The following C12orf42 variants were observed in gnomAD, a reference collection of about 807,000 sequenced individuals.
C12orf42 encodes the protein uncharacterized protein C12orf42.
Under a neutral mutation model 21.6 loss-of-function variants are expected in C12orf42, and 25 were observed. The observed-to-expected ratio is 1.16, with a 90% CI of 0.84 to 1.62. C12orf42 has a LOEUF of 1.62. Among genes scored for constraint, C12orf42 ranks in the 40% most tolerant of loss-of-function variants. The pLI is 0.00. For synonymous variants in C12orf42, 174 were observed against 175.0 expected, an observed-to-expected ratio of 0.99 and a Z score of 0.05; for missense variants, 483 against 459.3, an observed-to-expected ratio of 1.05 and a Z score of -0.47.
chr12:103,495,253 A>AGGGTGG (rs1955446728), intron 1 of C12orf42, among the ~76,000 whole-genome samples: 1 of 147,888 alleles, frequency 6.8e-6, no homozygotes, highest in Non-Finnish European at 1.5e-5. Context: ...GGGGAAGGTT[A>AGGGTGG]GGGGGAGAAG....
At chr12:103,248,699 T>C (rs1243999663) in intron 10 of C12orf42, among the ~76,000 whole-genome samples, 1 of 151,984 alleles carries the variant, frequency 6.6e-6, no homozygotes, top group Admixed American at 6.6e-5. Flanking sequence ...CAAATAGAAA[T>C]GGAATAGGAT....
chr12:103,185,746 G>A, the C12orf42 span, among the ~76,000 whole-genome samples: 1 of 152,088 alleles, frequency 6.6e-6, no homozygotes, highest in Admixed American at 6.5e-5. Context: ...TTCGTCAGGG[G>A]TTTCTGCTTT....
chr12:103,086,334 G>C, the C12orf42 span, among the ~76,000 whole-genome samples: 1 of 151,194 alleles, frequency 6.6e-6, no homozygotes, highest in Non-Finnish European at 1.5e-5. Flanking sequence ...AGAAGTAGAG[G>C]TCATTAAAAT....
At chr12:103,262,692 T>C (rs1475014678) in intron 10 of C12orf42, among the ~76,000 whole-genome samples, 1 of 152,200 alleles carries the variant, frequency 6.6e-6, no homozygotes, top group African/African-American at 2.4e-5. Flanking sequence ...GGAACGCTTT[T>C]ACACTGTTGG....
chr12:103,556,110 T>C, the C12orf42 span, among the ~76,000 whole-genome samples: 1 of 152,158 alleles, frequency 6.6e-6, no homozygotes, highest in African/African-American at 2.4e-5. Context: ...AGATACAGCA[T>C]GTAATAGTGG....
chr12:103,156,672 G>A, the C12orf42 span, among the ~76,000 whole-genome samples: 1 of 152,004 alleles, frequency 6.6e-6, no homozygotes, highest in Non-Finnish European at 1.5e-5. Context: ...GTTTCTCTCT[G>A]TGTCCATGTG....
At chr12:103,180,423 C>T in the C12orf42 span, among the ~76,000 whole-genome samples, 38 of 152,072 alleles carry the variant, frequency 2.5e-4, no homozygotes, top group Admixed American at 7.9e-4. Context: ...GAGTTGACTT[C>T]GTTGGCTAAC....
At chr12:103,381,495 G>C (rs1326168586) in intron 3 of C12orf42, among the ~76,000 whole-genome samples, 1 of 152,168 alleles carries the variant, frequency 6.6e-6, no homozygotes, top group Non-Finnish European at 1.5e-5. Flanking sequence ...TGTTGATGAT[G>C]ACAACAACAA....
chr12:103,165,996 C>T, the C12orf42 span, among the ~76,000 whole-genome samples: 2 of 151,004 alleles, frequency 1.3e-5, no homozygotes, highest in Non-Finnish European at 3.0e-5. Context: ...GCCGAGATCG[C>T]GCCACTGCAC....
At chr12:103,533,397 G>A in the C12orf42 span, among the ~76,000 whole-genome samples, 1 of 152,082 alleles carries the variant, frequency 6.6e-6, no homozygotes, top group Non-Finnish European at 1.5e-5. Context: ...GGTTGCTCTC[G>A]TCCATTGTGC....
intron 10 of C12orf42, among the ~76,000 whole-genome samples, chr12:103,250,157 T>C (rs1375309717): frequency 6.6e-6 from 1 of 152,062 alleles, no homozygotes; most frequent in African/African-American, 2.4e-5. Context: ...GAATGTCGGC[T>C]AAGATTTTTT....
intron 2 of C12orf42, among the ~76,000 whole-genome samples, chr12:103,477,641 C>A (rs1395567111): frequency 1.3e-5 from 2 of 151,940 alleles, no homozygotes; most frequent in African/African-American, 2.4e-5. Context: ...AAGACTGAAC[C>A]CTCTGTAACT....
chr12:103,516,795 G>A, the C12orf42 span, among the ~76,000 whole-genome samples: 1 of 152,124 alleles, frequency 6.6e-6, no homozygotes, highest in Non-Finnish European at 1.5e-5. Flanking sequence ...AGAAAAACAG[G>A]ACTTTATAAT....
chr12:103,494,013 G>A (rs574027820), intron 1 of C12orf42, among the ~76,000 whole-genome samples: 26 of 152,144 alleles, frequency 1.7e-4, no homozygotes, highest in Non-Finnish European at 2.1e-4. Context: ...TGAGTTAGAA[G>A]TATTTGAAAA....
At chr12:103,256,667 G>A (rs1382212924) in intron 10 of C12orf42, among the ~76,000 whole-genome samples, 1 of 152,184 alleles carries the variant, frequency 6.6e-6, no homozygotes, top group Non-Finnish European at 1.5e-5. Context: ...CAGCTTAACT[G>A]TTGTGAAATC....
At chr12:103,504,758 A>T in the C12orf42 span, 1 of 153,540 alleles carries the variant, frequency 6.5e-6, no homozygotes, top group Non-Finnish European at 1.5e-5. Flanking sequence ...AAAAGCCTGG[A>T]CATTGCCTGC....
At chr12:103,203,188 C>G in the C12orf42 span, among the ~76,000 whole-genome samples, 1 of 152,168 alleles carries the variant, frequency 6.6e-6, no homozygotes, top group Non-Finnish European at 1.5e-5. Flanking sequence ...AGTTTCCTCA[C>G]CTAGCTTTGC....
chr12:103,167,374 T>C, the C12orf42 span, among the ~76,000 whole-genome samples: 1 of 152,308 alleles, frequency 6.6e-6, no homozygotes, highest in Non-Finnish European at 1.5e-5. Flanking sequence ...TGGACAATTT[T>C]GTGTCCCCCC....
At chr12:103,151,100 G>C in the C12orf42 span, among the ~76,000 whole-genome samples, 1 of 152,170 alleles carries the variant, frequency 6.6e-6, no homozygotes, top group East Asian at 1.9e-4. Context: ...ACTAATTTTT[G>C]TATTTTTAGT....
Sources: allele counts gnomAD v4.1 joint callset (sites outside exome capture counted in the v4.1 genomes callset), GRCh38; gene constraint gnomAD v4.1.1; transcripts MANE v1.5; gene names NCBI Gene and HGNC (gene_info 2026-07-23, HGNC 2026-07-21).